Variants in RYR1 observed in about 807,000 individuals in gnomAD.
RYR1 encodes the protein central core disease of muscle.
A neutral mutation model predicts 583.5 loss-of-function variants in RYR1; 342 were observed. The observed-to-expected ratio is 0.59, with a 90% CI of 0.54 to 0.64. RYR1 has a LOEUF of 0.64. Ranked by LOEUF, RYR1 falls within the 30% of genes least tolerant of loss-of-function variation. The pLI is 0.00. For missense variants in RYR1, 6,032 were observed against 6,917.2 expected (o/e 0.87, Z 4.54); for synonymous variants, 2,791 against 2,822.5 (o/e 0.99, Z 0.35).
At position 38,517,581 on chromosome 19, in the gene RYR1, C is replaced by G. The variant is rs2145682645; in HGVS notation, c.9908C>G (p.Pro3303Arg). The change falls in exon 66 of 106, where the codon CCC (proline) becomes CGC (arginine). Residue 3303 changes from proline (P) to arginine (R), a missense_variant. By Grantham distance (103) the Pro-to-Arg change is moderately radical (BLOSUM62 -2). Around this residue, in one of 11 missense-constraint regions of RYR1, gnomAD observed 1,493 missense variants for 1,715.5 expected, o/e 0.87. Coordinates refer to ENST00000359596, the MANE Select transcript of RYR1 (RefSeq NM_000540.3). ...GCCCTGCCCGCCGGCGCCCCCCCAC[C>G]CTGCACAGCTGTCACCTCTGACCAC... The part of the protein sequence containing the change: ...PSALPAGAPP[P>R]CTAVTSDHLN... The G allele has an allele frequency of 1.2e-6, 2 of 1,614,050 alleles. No individual in the cohort carries two copies. The highest frequency in any genetic ancestry group is 4.5e-5 in the East Asian group (2 of 44,864).
At chr19:38,440,632 G>A in intron 1 of RYR1, 113 bp from the exon 2 acceptor site, 2 of 1,305,882 alleles carry the variant, frequency 1.5e-6, no homozygotes, top group Admixed American at 4.1e-5. Flanking sequence ...GGTTGATCTT[G>A]TCAGTCACTG....
At position 38,496,883 on chromosome 19, in the gene RYR1, G is replaced by A; in HGVS notation, c.6820G>A (p.Asp2274Asn). ...AGGCATGCAGGGCTCCACGCCCCTG[G>A]ACGTGGCTGCTGCCTCCGTCATTGA... ...GLGMQGSTPL[D>N]VAAASVIDNN... is the part of the protein sequence containing the mutation. Residue 2274 changes from aspartate (D) to asparagine (N), a missense_variant, in exon 42 of 106, where the codon GAC becomes AAC. Physicochemically the swap from Asp to Asn is conservative, Grantham distance 23. Coordinates refer to ENST00000359596, the MANE Select transcript of RYR1 (RefSeq NM_000540.3). The surrounding 1 kb of genome is among the most constrained non-coding windows in gnomAD (Gnocchi z 4.8). 2 of 1,613,458 alleles carry A rather than the reference G, an allele frequency of 1.2e-6. No homozygotes were observed. Among genetic ancestry groups the A allele is most frequent in the Non-Finnish European group, 1.7e-6 (2 of 1,179,998 alleles).
intron 33 of RYR1, among the ~76,000 whole-genome samples, chr19:38,485,236 A>G (rs562042069): frequency 6.6e-6 from 1 of 152,128 alleles, no homozygotes; most frequent in South Asian, 2.1e-4. Context: ...CATCCCAGGG[A>G]CCCCAGAGGT....
intron 87 of RYR1, among the ~76,000 whole-genome samples, chr19:38,544,545 T>G (rs1158612300): frequency 6.6e-6 from 1 of 152,210 alleles, no homozygotes; most frequent in East Asian, 1.9e-4. Context: ...TTACAATAGT[T>G]TAGTTTTCCA....
At position 38,565,521 on chromosome 19, in the gene RYR1, C is replaced by T. The variant is rs1444540296; in HGVS notation, c.13187C>T (p.Pro4396Leu). 5.3e-6 allele frequency: 8 copies of T among 1,502,922 alleles called. No homozygotes were observed. In the East Asian group the frequency reaches 1.1e-4, roughly 20 times the overall value. The allele number at this position is 1,502,922 out of a possible 1,614,324, so 93.1% of individuals were successfully genotyped here. A position where few individuals can be genotyped will look rare whatever the true frequency, so the allele number is the denominator to read the frequency against. Residue 4396 changes from proline (P) to leucine (L), a missense_variant, in exon 91 of 106, where the codon CCG becomes CTG. Coordinates refer to ENST00000359596, the MANE Select transcript of RYR1 (RefSeq NM_000540.3). The surrounding 1 kb of genome is among the most constrained non-coding windows in gnomAD (Gnocchi z 4.7). ...PTSDEVHGEQ[P>L]AGPGGDADGE... ...AGCGACGAGGTGCACGGCGAGCAGC[C>T]GGCCGGGCCGGGCGGAGACGCAGAC...
intron 96 of RYR1, among the ~76,000 whole-genome samples, chr19:38,575,622 G>A (rs1435550194): frequency 6.6e-6 from 1 of 152,052 alleles, no homozygotes. Context: ...GGCCAACATG[G>A]CAAAACCTCG....
chr19:38,446,144 C>T (rs139111542), intron 7 of RYR1, among the ~76,000 whole-genome samples: 41 of 152,200 alleles, frequency 2.7e-4, no homozygotes, highest in African/African-American at 9.6e-4. Context: ...TAGACCTCCA[C>T]CTTTCACCAC....
Position 38,528,978 on chromosome 19 carries a change from G to A in RYR1, c.11062G>A (p.Glu3688Lys), listed in dbSNP as rs1471770778. The stretch of plus-strand genomic sequence containing the variant: ...AGCTGGGGAGCAGGAGGAGGAGGAG[G>A]AAGAGGTGGAAGAGAAGAAGCCAGA... The part of the protein sequence containing the change: ...SKAGEQEEEE[E>K]EVEEKKPDPL... Residue 3688 changes from glutamate to lysine, a missense_variant, in exon 76 of 106, where the codon GAA becomes AAA. By Grantham distance (56) the Glu-to-Lys change is moderately conservative. Coordinates refer to ENST00000359596, the MANE Select transcript of RYR1 (RefSeq NM_000540.3). 3.7e-6 allele frequency: 6 copies of A among 1,612,164 alleles called. No homozygotes were observed. The Admixed American group carries it at 5.0e-5, about 14-fold the overall frequency.
At chr19:38,478,009 G>C in intron 30 of RYR1, 139 bp downstream of exon 30, 1 of 827,260 alleles carries the variant, frequency 1.2e-6, no homozygotes, top group Non-Finnish European at 2.0e-6. Flanking sequence ...GGGGCACTGG[G>C]CACCCAGCTC....
At chr19:38,469,268 C>T (rs1328494705) in intron 26 of RYR1, 37 bp from the exon 27 acceptor site, 1 of 1,611,526 alleles carries the variant, frequency 6.2e-7, no homozygotes, top group South Asian at 1.1e-5. Flanking sequence ...CCCTGCCCAC[C>T]TGCCCTCACC....
Position 38,496,917 on chromosome 19 carries a change from A to C in RYR1, c.6854A>C (p.Glu2285Ala). ...GCTGCCTCCGTCATTGACAACAATGAGCTGGCCTTGGCATTGCAGGAGCAG... is the reference window on the plus strand; with the variant it reads ...GCTGCCTCCGTCATTGACAACAATGCGCTGGCCTTGGCATTGCAGGAGCAG... ...VAAASVIDNNELALALQEQDL... is the reference protein window; with the variant it reads ...VAAASVIDNNALALALQEQDL... The change falls in exon 42 of 106, where the codon GAG becomes GCG. Residue 2285 changes from glutamate to alanine, a missense_variant. Coordinates refer to ENST00000359596, the MANE Select transcript of RYR1 (RefSeq NM_000540.3). The surrounding 1 kb of genome is among the most constrained non-coding windows in gnomAD (Gnocchi z 4.8). 6.2e-7 allele frequency: 1 copy of C among 1,613,582 alleles called. No homozygotes were observed. The highest frequency in any genetic ancestry group is 8.5e-7 in the Non-Finnish European group (1 of 1,179,998).
In RYR1 at chr19:38,477,760, G is replaced by T. The variant is rs375675447; in HGVS notation, c.4344G>T (p.Trp1448Cys). The T allele has an allele frequency of 6.2e-7, 1 of 1,614,058 alleles. No individual in the cohort carries two copies. The highest frequency in any genetic ancestry group is 8.5e-7 in the Non-Finnish European group (1 of 1,180,040). Residue 1448 changes from tryptophan to cysteine, a missense_variant, in exon 30 of 106, where the codon TGG (tryptophan) becomes TGT (cysteine). This residue lies in a region of RYR1 where 2,627 missense variants were observed against 2,961.3 expected (regional missense o/e 0.89). Coordinates refer to ENST00000359596, the MANE Select transcript of RYR1 (RefSeq NM_000540.3). ...VFAGQEPSCV[W>C]AGWVTPDYHQ... Reference sequence around the variant, plus strand: ...CTGGACAGGAGCCCAGCTGCGTGTGGGCGGGCTGGGTCACCCCTGACTACC... The same window carrying T: ...CTGGACAGGAGCCCAGCTGCGTGTGTGCGGGCTGGGTCACCCCTGACTACC...
Position 38,507,750 on chromosome 19 carries a change from A to T in RYR1, c.8855A>T (p.Glu2952Val), listed in dbSNP as rs565387827. ...KDMELDSSSI[E>V]KRFAFGFLQQ... is the part of the protein sequence containing the mutation. ...ATGGAACTGGACTCGTCTTCCATTG[A>T]AAAGCGGTTTGCCTTTGGCTTCCTG... The change falls in exon 58 of 106, where the codon GAA (glutamate) becomes GTA (valine). Residue 2952 changes from glutamate (E) to valine (V), a missense_variant. Around this residue, in one of 11 missense-constraint regions of RYR1, gnomAD observed 1,493 missense variants for 1,715.5 expected, o/e 0.87. Coordinates refer to ENST00000359596, the MANE Select transcript of RYR1 (RefSeq NM_000540.3). The T allele has an allele frequency of 6.2e-7, 1 of 1,613,922 alleles. No individual in the cohort carries two copies. Among genetic ancestry groups the T allele is most frequent in the East Asian group, 2.2e-5 (1 of 44,884 alleles).
In RYR1 at chr19:38,506,524, G is replaced by A; in HGVS notation, c.8670G>A (p.Lys2890=). ...ENYHNTWGRK[K]KQELEAKGGG... is the part of the protein sequence containing the mutation. ...ACCACAACACGTGGGGACGGAAGAA[G>A]AAGCAGGAGCTGGAAGCCAAAGGTG... Residue 2890 remains lysine (K), a synonymous_variant, in exon 56 of 106, where the codon AAG becomes AAA. Transcript: ENST00000359596. The A allele has an allele frequency of 6.2e-7, 1 of 1,614,112 alleles. No individual in the cohort carries two copies. The highest frequency in any genetic ancestry group is 8.5e-7 in the Non-Finnish European group (1 of 1,180,020).
intron 79 of RYR1, 40 bp from the exon 80 acceptor site, chr19:38,535,101 C>T (rs1332683996): frequency 6.2e-7 from 1 of 1,600,676 alleles, no homozygotes; most frequent in South Asian, 1.1e-5. Flanking sequence ...ACACTGCCTT[C>T]CAACTGGGTG....
intron 94 of RYR1, among the ~76,000 whole-genome samples, chr19:38,571,555 T>A (rs1290264533): frequency 6.6e-6 from 1 of 152,050 alleles, no homozygotes; most frequent in East Asian, 1.9e-4. Flanking sequence ...TAGAATCCCT[T>A]GAACCCAGGA....
intron 99 of RYR1, among the ~76,000 whole-genome samples, chr19:38,578,950 G>C (rs1974078132): frequency 6.6e-6 from 1 of 151,774 alleles, no homozygotes; most frequent in African/African-American, 2.4e-5. Flanking sequence ...GTGAAACCCT[G>C]TCTCTACAAA....
chr19:38,515,441 A>C lies in RYR1; in HGVS notation c.9554+334A>C, dbSNP rs373859395. ...TGGCCATGTGACCGCTTCTGAGCTG[A>C]GATTACTGATACAGCAAGAGCGAGG... On this transcript the variant is annotated intron_variant, in intron 64 of 105. Transcript: ENST00000359596. Among the ~76,000 whole-genome samples the C allele has an allele frequency of 3.9e-4, 59 of 152,312 alleles. No homozygotes were observed. In the East Asian group the frequency reaches 0.011, roughly 29 times the overall value.
At chr19:38,482,972 C>A in intron 31 of RYR1, 55 bp from the exon 32 acceptor site, 1 of 1,492,656 alleles carries the variant, frequency 6.7e-7, no homozygotes, top group Non-Finnish European at 9.4e-7. Context: ...GGTCCAGAGT[C>A]AACCCTCCCT....
Sources: gnomAD v4.1 joint callset for allele counts (sites outside exome capture counted in the v4.1 genomes callset) on GRCh38, gnomAD v4.1.1 for gene constraint, gnomAD v4.1.1 regional missense constraint, Gnocchi (gnomAD v3.1) non-coding constraint, MANE v1.5 for transcripts, NCBI Gene and HGNC (gene_info 2026-07-23, HGNC 2026-07-21) for gene names.